Variants in ARFGEF3 observed in about 807,000 individuals in gnomAD.
ARFGEF3 encodes ARFGEF family member 3, also known as brefeldin A-inhibited guanine nucleotide-exchange protein 3.
ARFGEF3 carries 96 observed loss-of-function variants against 221.7 expected under a neutral mutation model. That is an observed-to-expected ratio of 0.43 (90% CI 0.37 to 0.51). The LOEUF is 0.51. Ranked by LOEUF, ARFGEF3 falls within the 20% of genes least tolerant of loss-of-function variation. The probability of loss-of-function intolerance (pLI) is 0.00; values close to 1 mark genes in which losing one functional copy is unlikely to be tolerated. For missense variants in ARFGEF3, 2,410 were observed against 2,789.9 expected, an observed-to-expected ratio of 0.86 and a Z score of 3.07; for synonymous variants, 1,145 against 1,126.8, an observed-to-expected ratio of 1.02 and a Z score of -0.32.
intron 4 of ARFGEF3, among the ~76,000 whole-genome samples, chr6:138,220,960 C>G (rs554663409): frequency 6.6e-6 from 1 of 152,258 alleles, no homozygotes; most frequent in East Asian, 1.9e-4. Context: ...CCTCATGTAT[C>G]GGAAACCACC....
At chr6:138,177,057 CTTTATTTATTTATTTA>C (rs3044801) in intron 2 of ARFGEF3, among the ~76,000 whole-genome samples, 95 of 146,242 alleles carry the variant, frequency 6.5e-4, no homozygotes, top group African/African-American at 2.1e-3. Context: ...TTCACTTTTA[CTTTATTTATTTATTTA>C]TTTATTTATT....
At chr6:138,270,461 C>T (rs1445623052) in intron 12 of ARFGEF3, among the ~76,000 whole-genome samples, 2 of 131,828 alleles carry the variant, frequency 1.5e-5, no homozygotes, top group Non-Finnish European at 3.0e-5. Flanking sequence ...CACACACACA[C>T]ACATATATAT....
At chr6:138,264,670 C>A (rs1269155739) in intron 12 of ARFGEF3, among the ~76,000 whole-genome samples, 1 of 152,198 alleles carries the variant, frequency 6.6e-6, no homozygotes, top group Admixed American at 6.5e-5. Context: ...CCTCTCTAGA[C>A]TCCCTGCTCT....
intron 7 of ARFGEF3, among the ~76,000 whole-genome samples, chr6:138,244,423 T>C (rs1034880023): frequency 4.6e-5 from 7 of 152,254 alleles, no homozygotes; most frequent in Non-Finnish European, 1.5e-5. Context: ...CTATTTCATG[T>C]AGCCTGACAA....
In ARFGEF3 at chr6:138,263,335, G is replaced by T; in HGVS notation, c.1852G>T (p.Ala618Ser). The change falls in exon 12 of 34, where the codon GCA (alanine) becomes TCA (serine). Residue 618 changes from alanine (A) to serine (S), a missense_variant. This residue lies in a region of ARFGEF3 where 594 missense variants were observed against 734.3 expected (regional missense o/e 0.81). Coordinates refer to ENST00000251691, the MANE Select transcript of ARFGEF3 (RefSeq NM_020340.5). The part of the protein sequence containing the change: ...FDSCDQYSMA[A>S]EKDSGRSDVS... ...TTCCTGTGATCAGTACTCTATGGCA[G>T]CAGAAAAGGACTCGGGCAGGTCCGA... The T allele has an allele frequency of 6.2e-7, 1 of 1,614,010 alleles. No homozygotes were observed. Among genetic ancestry groups the T allele is most frequent in the Non-Finnish European group, 8.5e-7 (1 of 1,179,894 alleles).
intron 6 of ARFGEF3, among the ~76,000 whole-genome samples, chr6:138,242,454 G>A (rs1441597894): frequency 1.3e-5 from 2 of 152,186 alleles, no homozygotes; most frequent in Non-Finnish European, 2.9e-5. Flanking sequence ...TGGAGATTCT[G>A]ACCAGTGGTT....
chr6:138,187,220 A>G (rs1158499413), intron 2 of ARFGEF3, among the ~76,000 whole-genome samples: 1 of 152,108 alleles, frequency 6.6e-6, no homozygotes, highest in African/African-American at 2.4e-5. Flanking sequence ...CGGCCCTCTC[A>G]TCCTTTTGAA....
chr6:138,254,063 A>G, intron 9 of ARFGEF3, 79 bp downstream of exon 9: 1 of 869,152 alleles, frequency 1.2e-6, no homozygotes, highest in African/African-American at 1.7e-5. Flanking sequence ...GTCCCTCTCC[A>G]TGAAGTCCAT....
chr6:138,323,810 C>A, intron 30 of ARFGEF3, 37 bp downstream of exon 30: 1 of 1,602,468 alleles, frequency 6.2e-7, no homozygotes, highest in South Asian at 1.1e-5. Context: ...TGGCACAGTT[C>A]TAACCATCTT....
intron 29 of ARFGEF3, among the ~76,000 whole-genome samples, chr6:138,321,558 A>G (rs1041662609): frequency 3.3e-5 from 5 of 152,250 alleles, no homozygotes; most frequent in Non-Finnish European, 7.3e-5. Flanking sequence ...CACCTAAAAT[A>G]GCTTATCCAA....
chr6:138,337,400 G>C lies in ARFGEF3; in HGVS notation c.*914G>C, dbSNP rs1470455208. On this transcript the variant is annotated 3_prime_UTR_variant, in exon 34 of 34. Coordinates refer to ENST00000251691, the MANE Select transcript of ARFGEF3 (RefSeq NM_020340.5). ...TGCCCCACAATTGTCTGAACATAAG[G>C]TATAGCATTTGGTTTTTAAGAAAAC... 6.6e-6 allele frequency: 1 copy of C among 152,552 alleles called. No homozygotes were observed. 9.4% of individuals were successfully genotyped at this position (152,552 alleles called of 1,614,324 possible).
At chr6:138,235,758 A>G (rs1240045336) in intron 5 of ARFGEF3, among the ~76,000 whole-genome samples, 1 of 149,656 alleles carries the variant, frequency 6.7e-6, no homozygotes, top group Non-Finnish European at 1.5e-5. Flanking sequence ...CTGAGAAAGC[A>G]TTTCTTTCTG....
chr6:138,312,228 G>T (rs1468734957), intron 25 of ARFGEF3, among the ~76,000 whole-genome samples: 2 of 151,922 alleles, frequency 1.3e-5, no homozygotes, highest in Admixed American at 1.3e-4. Flanking sequence ...ACCATCGTTG[G>T]GTCCATCCTC....
At chr6:138,229,504 C>T (rs1040006844) in intron 4 of ARFGEF3, among the ~76,000 whole-genome samples, 2 of 152,208 alleles carry the variant, frequency 1.3e-5, no homozygotes, top group African/African-American at 4.8e-5. Context: ...ACTGGACACA[C>T]CTCCTGGAGC....
At chr6:138,201,067 A>C (rs1777526325) in intron 2 of ARFGEF3, among the ~76,000 whole-genome samples, 1 of 152,252 alleles carries the variant, frequency 6.6e-6, no homozygotes, top group East Asian at 1.9e-4. Context: ...AAACATACAA[A>C]AAAATGCTCA....
At position 138,336,549 on chromosome 6, in the gene ARFGEF3, G is replaced by A. The variant is rs1274128122; in HGVS notation, c.*63G>A. On this transcript the variant is annotated 3_prime_UTR_variant, in exon 34 of 34. Transcript: ENST00000251691. ...TGAGGGTTAGAGTCCTGCCAATACA[G>A]CTGTTGCATTTTCCCCACCACTAGC... 9 of 1,360,532 alleles carry A rather than the reference G, an allele frequency of 6.6e-6. No homozygotes were observed. In the East Asian group the frequency reaches 7.5e-5, roughly 11 times the overall value. 84.3% of individuals were successfully genotyped at this position (1,360,532 alleles called of 1,614,324 possible).
At chr6:138,164,509 T>A (rs1461713726) in intron 1 of ARFGEF3, among the ~76,000 whole-genome samples, 1 of 152,228 alleles carries the variant, frequency 6.6e-6, no homozygotes. Flanking sequence ...TTCAGATCCT[T>A]GCCTTGATGA....
intron 14 of ARFGEF3, among the ~76,000 whole-genome samples, chr6:138,280,518 C>T (rs922925092): frequency 6.6e-6 from 1 of 152,142 alleles, no homozygotes; most frequent in Admixed American, 6.5e-5. Context: ...ATTCAGTGTT[C>T]TTGGGGTTTA....
At chr6:138,269,886 G>T (rs1778969473) in intron 12 of ARFGEF3, among the ~76,000 whole-genome samples, 1 of 152,110 alleles carries the variant, frequency 6.6e-6, no homozygotes, top group East Asian at 1.9e-4. Flanking sequence ...TGAGTCTGAG[G>T]TCTGATCTCC....
Sources: allele counts gnomAD v4.1 joint callset (sites outside exome capture counted in the v4.1 genomes callset), GRCh38; gene constraint gnomAD v4.1.1; regional missense constraint gnomAD v4.1.1; transcripts MANE v1.5; gene names NCBI Gene and HGNC (gene_info 2026-07-23, HGNC 2026-07-21).